Variants in RIMS3 observed in about 807,000 individuals in gnomAD.
RIMS3 encodes regulating synaptic membrane exocytosis protein 3.
RIMS3 carries 15 observed loss-of-function variants against 29.2 expected under a neutral mutation model. The observed-to-expected ratio is 0.51, with a 90% CI of 0.34 to 0.79. The LOEUF (loss-of-function observed/expected upper bound fraction) is 0.79, where lower values mean the gene tolerates loss of function less well. Among genes scored for constraint, RIMS3 ranks in the 30% least tolerant of loss-of-function variants. The pLI is 0.01. For missense variants in RIMS3, 342 were observed against 421.4 expected, an observed-to-expected ratio of 0.81 and a Z score of 1.65; for synonymous variants, 161 against 170.1, an observed-to-expected ratio of 0.95 and a Z score of 0.41.
chr1:40,691,138 C>G, the RIMS3 span: 1 of 152,310 alleles, frequency 6.6e-6, no homozygotes. Flanking sequence ...ACTTTAAAAT[C>G]TGCATTCAAA....
Position 40,636,009 on chromosome 1 carries a change from G to A in RIMS3, c.266C>T (p.Thr89Ile), listed in dbSNP as rs1321104295. ...GCTCCGCATCTCCACCGCGATGCCT[G>A]TCTCCGTGCTCCGGCGGATGTTGCT... ...LRSNIRRSTE[T>I]GIAVEMRSRV... The change falls in exon 4 of 8, where the codon ACA becomes ATA. Residue 89 changes from threonine (T) to isoleucine (I), a missense_variant. Physicochemically the swap from Thr to Ile is moderately conservative, Grantham distance 89 (BLOSUM62 -1). Transcript: ENST00000372684. This position sits in a 1 kb window ranked among gnomAD's most constrained non-coding sequence, Gnocchi z 4.2. The A allele has an allele frequency of 3.1e-6, 5 of 1,608,846 alleles. No individual in the cohort carries two copies. The highest frequency in any genetic ancestry group is 1.3e-5 in the African/African-American group (1 of 75,056).
At chr1:40,659,787 C>A (rs1042883118) in intron 1 of RIMS3, among the ~76,000 whole-genome samples, 9 of 152,158 alleles carry the variant, frequency 5.9e-5, no homozygotes, top group African/African-American at 2.2e-4. Flanking sequence ...AGGGGGCGTG[C>A]ATTCCAGGAT....
At chr1:40,646,632 T>C (rs1646597533) in intron 2 of RIMS3, among the ~76,000 whole-genome samples, 1 of 152,078 alleles carries the variant, frequency 6.6e-6, no homozygotes, top group Non-Finnish European at 1.5e-5. Context: ...CTTTGATCTA[T>C]CCTCCAGGGA....
At chr1:40,668,620 C>G (rs1313850735), upstream of RIMS3, among the ~76,000 whole-genome samples, 1 of 151,802 alleles carries the variant, frequency 6.6e-6, no homozygotes, top group Non-Finnish European at 1.5e-5. Flanking sequence ...TATTTAACAC[C>G]ATAATGTATC....
chr1:40,656,779 GT>G (rs1418954901), intron 1 of RIMS3, among the ~76,000 whole-genome samples: 8 of 126,710 alleles, frequency 6.3e-5, no homozygotes, highest in Admixed American at 2.5e-4. Context: ...GCGAAACTCC[GT>G]CTCAAAAAAA....
At chr1:40,662,416 G>GCTCC (rs10675670) in intron 1 of RIMS3, among the ~76,000 whole-genome samples, 120,186 of 151,704 alleles carry the variant, frequency 0.79, 48,254 homozygotes, top group African/African-American at 0.9. Flanking sequence ...AGGTTCCAGA[G>GCTCC]CCCAAGTCCC....
At chr1:40,633,558 G>C (rs1414905697) in intron 4 of RIMS3, among the ~76,000 whole-genome samples, 2 of 152,224 alleles carry the variant, frequency 1.3e-5, no homozygotes, top group Non-Finnish European at 2.9e-5. Flanking sequence ...TTCAATGCCT[G>C]GAACAAGTTA....
rs1646522412 is a variant in RIMS3, at chr1:40,636,644, G to A, written c.218-587C>T. Reference sequence around the variant, plus strand: ...TGAACATGGAGAGGACGTGTGTGGAGAGCTGGAGAGGCCATTAGGAAAACA... The same window carrying A: ...TGAACATGGAGAGGACGTGTGTGGAAAGCTGGAGAGGCCATTAGGAAAACA... On this transcript the variant is annotated intron_variant, in intron 3 of 7. Coordinates refer to ENST00000372684, the MANE Select transcript of RIMS3 (RefSeq NM_014747.3). This position sits in a 1 kb window ranked among gnomAD's most constrained non-coding sequence, Gnocchi z 4.2. 6.6e-6 allele frequency among the ~76,000 whole-genome samples: 1 copy of A among 152,194 alleles called. No homozygotes were observed. The highest frequency in any genetic ancestry group is 1.5e-5 in the Non-Finnish European group (1 of 68,032).
chr1:40,639,184 C>T (rs1302302202), intron 3 of RIMS3, among the ~76,000 whole-genome samples: 7 of 152,212 alleles, frequency 4.6e-5, no homozygotes, highest in Non-Finnish European at 1.0e-4. Flanking sequence ...TTCCTCCCCA[C>T]TTCACACAGC....
the RIMS3 span, among the ~76,000 whole-genome samples, chr1:40,677,571 G>A: frequency 3.3e-5 from 5 of 151,892 alleles, no homozygotes; most frequent in African/African-American, 7.3e-5. Context: ...GGTGGCGGGC[G>A]CCCGTAGTCC....
chr1:40,642,191 G>A (rs1308616581), intron 2 of RIMS3, among the ~76,000 whole-genome samples: 1 of 152,190 alleles, frequency 6.6e-6, no homozygotes, highest in Non-Finnish European at 1.5e-5. Context: ...TGATGGAGAG[G>A]ACCGAGGCTG....
chr1:40,656,216 A>G (rs893617918), intron 1 of RIMS3, among the ~76,000 whole-genome samples: 1 of 152,244 alleles, frequency 6.6e-6, no homozygotes, highest in South Asian at 2.1e-4. Context: ...CCTGAGCGAC[A>G]GAGTGAGATC....
At chr1:40,666,822 C>T (rs772470820), upstream of RIMS3, among the ~76,000 whole-genome samples, 8 of 152,020 alleles carry the variant, frequency 5.3e-5, no homozygotes, top group Non-Finnish European at 8.8e-5. Context: ...GCTGGGAGTT[C>T]GAGATCAACC....
At chr1:40,670,574 T>TTATTTATATATATATA (rs1553146614), upstream of RIMS3, among the ~76,000 whole-genome samples, 3 of 71,208 alleles carry the variant, frequency 4.2e-5, no homozygotes, top group Admixed American at 1.9e-4. Flanking sequence ...AGTTATAATT[T>TTATTTATATATATATA]TATATATATA....
At chr1:40,634,697 T>C (rs550278638) in intron 4 of RIMS3, among the ~76,000 whole-genome samples, 5 of 152,218 alleles carry the variant, frequency 3.3e-5, no homozygotes, top group South Asian at 4.2e-4. Flanking sequence ...ATCCCAGCAC[T>C]TTGGGAAGCT....
chr1:40,691,624 C>G, the RIMS3 span: 1 of 404,682 alleles, frequency 2.5e-6, no homozygotes, highest in Non-Finnish European at 5.0e-6. Flanking sequence ...CGCGAGACCT[C>G]AAGGAGCACA....
Position 40,654,639 on chromosome 1 carries a change from C to CCCACAACACACCCTG in RIMS3, c.-206-6812_-206-6798dup, listed in dbSNP as rs1642247085. 6.6e-6 allele frequency among the ~76,000 whole-genome samples: 1 copy of CCCACAACACACCCTG among 151,958 alleles called. No homozygotes were observed. Among genetic ancestry groups the CCCACAACACACCCTG allele is most frequent in the Admixed American group, 6.6e-5 (1 of 15,234 alleles). On this transcript the variant is annotated intron_variant, in intron 1 of 7. Coordinates refer to ENST00000372684, the MANE Select transcript of RIMS3 (RefSeq NM_014747.3). The surrounding 1 kb of genome is among the most constrained non-coding windows in gnomAD (Gnocchi z 5.3). ...CACAGACTCACACACATCACACAGACCCACAACACACCCTGCCACACACAC... is the reference window on the plus strand; with the variant it reads ...CACAGACTCACACACATCACACAGACCCACAACACACCCTGCCACAACACACCCTGCCACACACAC...
chr1:40,686,634 G>C, the RIMS3 span, among the ~76,000 whole-genome samples: 1 of 152,186 alleles, frequency 6.6e-6, no homozygotes, highest in African/African-American at 2.4e-5. Context: ...TCCAGCCTGG[G>C]TGACAGAATG....
the RIMS3 span, among the ~76,000 whole-genome samples, chr1:40,673,964 C>T: frequency 6.6e-6 from 1 of 152,024 alleles, no homozygotes; most frequent in Admixed American, 6.5e-5. Flanking sequence ...GTATACGTAC[C>T]AGTCAGATAC....
Sources: allele counts gnomAD v4.1 joint callset (sites outside exome capture counted in the v4.1 genomes callset), GRCh38; gene constraint gnomAD v4.1.1; non-coding constraint Gnocchi (gnomAD v3.1); transcripts MANE v1.5; gene names NCBI Gene and HGNC (gene_info 2026-07-23, HGNC 2026-07-21).